The following CDH4 variants were observed in gnomAD, a reference collection of about 807,000 sequenced individuals.
CDH4 encodes the protein cadherin-4.
A neutral mutation model predicts 86.0 loss-of-function variants in CDH4; 33 were observed. That is an observed-to-expected ratio of 0.38 (90% CI 0.29 to 0.51). The LOEUF is 0.51. CDH4 is among the 20% of genes least tolerant of loss of function. The pLI, the probability that CDH4 is intolerant of heterozygous loss-of-function variation, is 0.86. For synonymous variants in CDH4, 555 were observed against 549.4 expected, an observed-to-expected ratio of 1.01 and a Z score of -0.14; for missense variants, 1,114 against 1,307.4, an observed-to-expected ratio of 0.85 and a Z score of 2.28.
intron 2 of CDH4, among the ~76,000 whole-genome samples, chr20:61,697,829 G>A (rs2087731545): frequency 6.6e-6 from 1 of 152,192 alleles, no homozygotes; most frequent in African/African-American, 2.4e-5. Context: ...CAGGCTGGAA[G>A]GTCCTCACCT....
chr20:61,742,226 C>T (rs1026053429), intron 2 of CDH4, among the ~76,000 whole-genome samples: 3 of 152,158 alleles, frequency 2.0e-5, no homozygotes, highest in Non-Finnish European at 4.4e-5. Flanking sequence ...ATCAGAGGAG[C>T]CACCGGGGGG....
intron 2 of CDH4, among the ~76,000 whole-genome samples, chr20:61,687,870 G>A (rs2145867760): frequency 6.6e-6 from 1 of 152,336 alleles, no homozygotes; most frequent in Admixed American, 6.5e-5. Context: ...TTAGACCACA[G>A]GGGAGCCTGG....
intron 2 of CDH4, among the ~76,000 whole-genome samples, chr20:61,665,678 A>G (rs76868554): frequency 6.6e-6 from 1 of 152,146 alleles, no homozygotes; most frequent in African/African-American, 2.4e-5. Flanking sequence ...ATGTTTATTC[A>G]TTTTTGATGA....
chr20:61,885,613 C>G (rs556238767), intron 7 of CDH4, among the ~76,000 whole-genome samples: 1 of 152,314 alleles, frequency 6.6e-6, no homozygotes, highest in East Asian at 1.9e-4. Context: ...AAGTGTTTGT[C>G]AGAACCCCTG....
intron 7 of CDH4, among the ~76,000 whole-genome samples, chr20:61,882,741 A>G (rs34057005): frequency 0.17 from 26,309 of 152,096 alleles, 2,532 homozygotes; most frequent in East Asian, 0.44. Context: ...GTCTCAGGAG[A>G]ATGGGAGAGG....
At chr20:61,677,084 A>G (rs1354140439) in intron 2 of CDH4, among the ~76,000 whole-genome samples, 1 of 152,114 alleles carries the variant, frequency 6.6e-6, no homozygotes, top group Non-Finnish European at 1.5e-5. Context: ...TGAGGACCAT[A>G]CCTTTTACTC....
intron 2 of CDH4, among the ~76,000 whole-genome samples, chr20:61,452,739 A>G (rs1014372323): frequency 2.0e-5 from 3 of 151,918 alleles, no homozygotes; most frequent in African/African-American, 4.8e-5. Context: ...ATTTTTTTTT[A>G]TGTGTAAAGG....
chr20:61,844,192 T>G (rs1201027176), intron 4 of CDH4, among the ~76,000 whole-genome samples: 1 of 152,186 alleles, frequency 6.6e-6, no homozygotes, highest in Non-Finnish European at 1.5e-5. Context: ...AGCAGCCTTT[T>G]CTAGCTTACT....
Position 61,517,798 on chromosome 20 carries a change from C to T in CDH4, c.170-225765C>T, listed in dbSNP as rs534427451. ...ATTTTATGGTTTTCATCCTGAAATACGTGGTCAGTCCAGGGTTCATCGTTT... is the reference window on the plus strand; with the variant it reads ...ATTTTATGGTTTTCATCCTGAAATATGTGGTCAGTCCAGGGTTCATCGTTT... On this transcript the variant is annotated intron_variant, in intron 2 of 15. Coordinates refer to ENST00000614565, the MANE Select transcript of CDH4 (RefSeq NM_001794.5). This position sits in a 1 kb window ranked among gnomAD's most constrained non-coding sequence, Gnocchi z 6.6. 6.6e-6 allele frequency among the ~76,000 whole-genome samples: 1 copy of T among 152,322 alleles called. No individual in the cohort carries two copies. Among genetic ancestry groups the T allele is most frequent in the African/African-American group, 2.4e-5 (1 of 41,572 alleles).
chr20:61,466,198 G>C (rs941811628), intron 2 of CDH4, among the ~76,000 whole-genome samples: 1 of 152,170 alleles, frequency 6.6e-6, no homozygotes, highest in Non-Finnish European at 1.5e-5. Flanking sequence ...AAAGAACCAA[G>C]CAGAGTCTCT....
chr20:61,750,956 T>A (rs1447142864), intron 3 of CDH4, among the ~76,000 whole-genome samples: 3 of 152,058 alleles, frequency 2.0e-5, no homozygotes, highest in Non-Finnish European at 2.9e-5. Context: ...TTGAGAAAAA[T>A]TAAAGAACTA....
intron 3 of CDH4, among the ~76,000 whole-genome samples, chr20:61,750,114 A>C (rs1190049183): frequency 6.6e-6 from 1 of 152,122 alleles, no homozygotes; most frequent in Non-Finnish European, 1.5e-5. Flanking sequence ...AAACTATAAA[A>C]ATAACTGAAA....
chr20:61,438,543 C>A (rs2085297678), intron 2 of CDH4, among the ~76,000 whole-genome samples: 2 of 152,150 alleles, frequency 1.3e-5, no homozygotes, highest in Non-Finnish European at 2.9e-5. Flanking sequence ...TAGAAAATGG[C>A]ATGTGGGTAT....
At chr20:61,831,756 C>T (rs960803846) in intron 4 of CDH4, among the ~76,000 whole-genome samples, 2 of 152,260 alleles carry the variant, frequency 1.3e-5, no homozygotes, top group African/African-American at 2.4e-5. Flanking sequence ...CAACATACCA[C>T]CCCTGCAGTG....
At chr20:61,285,081 T>TGTTTG (rs1555833428) in intron 2 of CDH4, among the ~76,000 whole-genome samples, 3 of 149,350 alleles carry the variant, frequency 2.0e-5, no homozygotes, top group African/African-American at 5.0e-5. Flanking sequence ...TGTTTTTTTT[T>TGTTTG]TTTGTTTGTT....
intron 4 of CDH4, among the ~76,000 whole-genome samples, chr20:61,775,900 G>T (rs937789433): frequency 1.3e-5 from 2 of 152,236 alleles, no homozygotes; most frequent in Admixed American, 1.3e-4. Context: ...AGATAGGCTT[G>T]TAAAAGGGAA....
Position 61,260,174 on chromosome 20 carries a change from C to T in CDH4, c.169+5237C>T, listed in dbSNP as rs111733733. Among the ~76,000 whole-genome samples the T allele has an allele frequency of 2.8e-3, 430 of 152,302 alleles. 2 individuals carry two copies. Among genetic ancestry groups the T allele is most frequent in the African/African-American group, 9.6e-3 (401 of 41,558 alleles). On this transcript the variant is annotated intron_variant, in intron 2 of 15. Transcript: ENST00000614565. Reference sequence around the variant, plus strand: ...GTCCTGAGCCTAGGTTTTCAGGCTCCCTCTACCCTCCAGTGTTCCTTGGAC... The same window carrying T: ...GTCCTGAGCCTAGGTTTTCAGGCTCTCTCTACCCTCCAGTGTTCCTTGGAC...
chr20:61,336,299 T>C (rs1282249887), intron 2 of CDH4, among the ~76,000 whole-genome samples: 1 of 152,180 alleles, frequency 6.6e-6, no homozygotes, highest in African/African-American at 2.4e-5. Flanking sequence ...GTGATGTGTA[T>C]AAAATATGCA....
chr20:61,253,238 G>A (rs2084075190), intron 1 of CDH4, among the ~76,000 whole-genome samples: 2 of 151,180 alleles, frequency 1.3e-5, no homozygotes, highest in African/African-American at 2.4e-5. Flanking sequence ...GGCCGGGCTT[G>A]GGCCGGGAAG....
Sources: allele counts gnomAD v4.1 joint callset (sites outside exome capture counted in the v4.1 genomes callset), GRCh38; gene constraint gnomAD v4.1.1; non-coding constraint Gnocchi (gnomAD v3.1); transcripts MANE v1.5; gene names NCBI Gene and HGNC (gene_info 2026-07-23, HGNC 2026-07-21).